The following HNRNPL variants were observed in gnomAD, a reference collection of about 807,000 sequenced individuals.
HNRNPL encodes heterogeneous nuclear ribonucleoprotein L.
In HNRNPL, 12 loss-of-function variants were observed where a neutral mutation model predicts 64.0. The observed-to-expected ratio is 0.19, with a 90% confidence interval of 0.12 to 0.30. The LOEUF (loss-of-function observed/expected upper bound fraction) is 0.30. HNRNPL is among the 10% of genes least tolerant of loss of function. HNRNPL has a pLI of 1.00. For missense variants in HNRNPL, 484 were observed against 797.4 expected (o/e 0.61, Z 4.73); for synonymous variants, 385 against 313.0 (o/e 1.23, Z -2.43).
chr19:38,840,706 C>T, intron 6 of HNRNPL, 147 bp from the exon 7 acceptor site: 1 of 691,750 alleles, frequency 1.4e-6, no homozygotes, highest in South Asian at 1.7e-5. Flanking sequence ...CTTTTGTGAT[C>T]TGACCTACGG....
chr19:38,847,908 G>A (rs926024898), intron 1 of HNRNPL, among the ~76,000 whole-genome samples: 5 of 152,136 alleles, frequency 3.3e-5, no homozygotes, highest in African/African-American at 1.2e-4. Context: ...CCATCATCTA[G>A]CTAAGCACAC....
At chr19:38,838,076 C>T (rs570271332) in intron 10 of HNRNPL, among the ~76,000 whole-genome samples, 4 of 152,360 alleles carry the variant, frequency 2.6e-5, no homozygotes, top group South Asian at 4.1e-4. Flanking sequence ...TACGCCAATG[C>T]GGTTCTTGTG....
intron 8 of HNRNPL, chr19:38,839,812 G>A (rs1348733279): frequency 7.9e-6 from 3 of 380,972 alleles, no homozygotes; most frequent in Non-Finnish European, 1.4e-5. Flanking sequence ...TCACTATAAT[G>A]GATTCATTTT....
At chr19:38,841,498 C>A in intron 6 of HNRNPL, 2 of 483,556 alleles carry the variant, frequency 4.1e-6, no homozygotes, top group Non-Finnish European at 7.8e-6. Context: ...CCTTTCCTGC[C>A]ACCCGGCCTG....
intron 6 of HNRNPL, chr19:38,842,043 G>GT (rs1568370218): frequency 6.1e-6 from 1 of 164,734 alleles, no homozygotes; most frequent in African/African-American, 2.4e-5. Context: ...CCTCTGAGCT[G>GT]TTTGGCTGTC....
chr19:38,849,405 G>T (rs529290073), intron 1 of HNRNPL: 11 of 358,318 alleles, frequency 3.1e-5, no homozygotes, highest in African/African-American at 1.9e-4. Context: ...AACCGGCCGG[G>T]CCGCGTGCCC....
rs1409790922 is a variant in HNRNPL at position 38,843,604 on chromosome 19, G to A, written c.880+238C>T. The A allele has an allele frequency of 1.8e-5, 10 of 541,112 alleles. No homozygotes were observed. In the East Asian group the frequency reaches 3.1e-4, roughly 17 times the overall value. 33.5% of individuals were successfully genotyped at this position (541,112 alleles called of 1,614,324 possible). On this transcript the variant is annotated intron_variant, in intron 6 of 12. Transcript: ENST00000221419. ...GAGGCCCTGCTCCCCGCCCATCCAG[G>A]CTTCTGCCTTGCCTCTGTATCCTGA...
At chr19:38,851,333 C>A (rs1972499521), upstream of HNRNPL, among the ~76,000 whole-genome samples, 1 of 152,236 alleles carries the variant, frequency 6.6e-6, no homozygotes, top group African/African-American at 2.4e-5. Flanking sequence ...GAGAGGAGCG[C>A]GCCCCAGTTA....
rs80103467 is a variant in HNRNPL at position 38,836,462 on chromosome 19, A to G, written c.*260T>C. The G allele has an allele frequency of 1.5e-5, 3 of 199,904 alleles. No individual in the cohort carries two copies. The highest frequency in any genetic ancestry group is 2.7e-5 in the Non-Finnish European group (3 of 110,398). The allele number at this position is 199,904 out of a possible 1,614,324, so 12.4% of individuals were successfully genotyped here. ...TGGGCAGCACAAATGTATGAACAGG[A>G]AAAAAAAAAATCACATGTACAATAA... On this transcript the variant is annotated 3_prime_UTR_variant, in exon 13 of 13. Transcript: ENST00000221419.
At position 38,836,684 on chromosome 19, in the gene HNRNPL, G is replaced by A. The variant is rs931074685; in HGVS notation, c.*38C>T. 1.5e-6 allele frequency: 2 copies of A among 1,320,244 alleles called. No individual in the cohort carries two copies. Among genetic ancestry groups the A allele is most frequent in the African/African-American group, 1.5e-5 (1 of 65,758 alleles). 81.8% of individuals were successfully genotyped at this position (1,320,244 alleles called of 1,614,324 possible). On this transcript the variant is annotated 3_prime_UTR_variant, in exon 13 of 13. Transcript: ENST00000221419. ...AAAATGGCATAAAGGAAAGAGAAAT[G>A]TCTTCCTGCTCAGATGGGACTCTTC... is the stretch of plus-strand genomic sequence containing the variant.
intron 4 of HNRNPL, 96 bp from the exon 5 acceptor site, chr19:38,844,200 CTG>C (rs1972209258): frequency 2.6e-6 from 2 of 781,424 alleles, no homozygotes; most frequent in East Asian, 2.5e-5. Flanking sequence ...CACCCCAAGA[CTG>C]TGGTACAGAC....
At position 38,837,627 on chromosome 19, in the gene HNRNPL, G is replaced by GCTTCACTCCCAGCT; in HGVS notation, c.1568_1581dup (p.Arg528SerfsTer4). On this transcript the variant is annotated stop_gained and frameshift_variant, in exon 11 of 13. Coordinates refer to ENST00000221419, the MANE Select transcript of HNRNPL (RefSeq NM_001533.3). LOFTEE classifies it high-confidence loss of function. Reference sequence around the variant, plus strand: ...GAGAATACTTTCACAGAAGATGGCCGCTTCACTCCCAGCTCATCGCAGATC... The same window carrying GCTTCACTCCCAGCT: ...GAGAATACTTTCACAGAAGATGGCCGCTTCACTCCCAGCTCTTCACTCCCAGCTCATCGCAGATC... The GCTTCACTCCCAGCT allele has an allele frequency of 6.2e-7, 1 of 1,614,212 alleles. No homozygotes were observed. The highest frequency in any genetic ancestry group is 8.5e-7 in the Non-Finnish European group (1 of 1,180,036).
upstream of HNRNPL, chr19:38,850,335 C>G (rs1392206501): frequency 1.8e-5 from 4 of 221,606 alleles, no homozygotes; most frequent in Admixed American, 2.3e-4. Flanking sequence ...TTGGTCTCCT[C>G]GCTAATCCGT....
chr19:38,850,043 G>A, upstream of HNRNPL: 1 of 1,241,824 alleles, frequency 8.1e-7, no homozygotes, highest in Non-Finnish European at 1.0e-6. Context: ...CCACCCGATA[G>A]GGGGAGCCAC....
intron 10 of HNRNPL, 112 bp downstream of exon 10, chr19:38,838,285 G>T (rs939090665): frequency 2.0e-5 from 17 of 838,758 alleles, no homozygotes; most frequent in African/African-American, 5.1e-5. Flanking sequence ...CTCAACCCAG[G>T]GCCAGGCAGG....
upstream of HNRNPL, among the ~76,000 whole-genome samples, chr19:38,850,763 T>C (rs1321946002): frequency 1.3e-5 from 2 of 152,206 alleles, no homozygotes; most frequent in Non-Finnish European, 2.9e-5. Flanking sequence ...CTAGGAGGAA[T>C]TGTTAAAATC....
Position 38,849,948 on chromosome 19 carries a change from G to C in HNRNPL, c.19C>G (p.Pro7Ala). Residue 7 changes from proline to alanine, a missense_variant, in exon 1 of 13, where the codon CCC (proline) becomes GCC (alanine). Coordinates refer to ENST00000221419, the MANE Select transcript of HNRNPL (RefSeq NM_001533.3). The stretch of plus-strand genomic sequence containing the variant: ...CGCCGACGCCGCTTCTCCGCCCGGG[G>C]CAGCAGCCTCCGCGACATGGCGGCG... MSRRLL[P>A]RAEKRRRRLE... 1 of 1,355,790 alleles carries C rather than the reference G, an allele frequency of 7.4e-7. No individual in the cohort carries two copies. Among genetic ancestry groups the C allele is most frequent in the African/African-American group, 1.5e-5 (1 of 65,950 alleles). The allele number at this position is 1,355,790 out of a possible 1,614,324, so 84.0% of individuals were successfully genotyped here. A position where few individuals can be genotyped will look rare whatever the true frequency, so the allele number is the denominator to read the frequency against.
chr19:38,837,754 G>A, intron 10 of HNRNPL, 103 bp from the exon 11 acceptor site: 2 of 962,826 alleles, frequency 2.1e-6, no homozygotes, highest in Non-Finnish European at 1.6e-6. Context: ...GAAGTTTTCA[G>A]GAGAAAAGGC....
chr19:38,849,317 C>T (rs767917537), intron 1 of HNRNPL: 46 of 210,524 alleles, frequency 2.2e-4, no homozygotes, highest in Non-Finnish European at 1.8e-4. Flanking sequence ...CCAGGCGCTC[C>T]CCTAACCGCC....
Sources: gnomAD v4.1 joint callset for allele counts (sites outside exome capture counted in the v4.1 genomes callset) on GRCh38, gnomAD v4.1.1 for gene constraint, MANE v1.5 for transcripts, NCBI Gene and HGNC (gene_info 2026-07-23, HGNC 2026-07-21) for gene names.